Variants in WDR25 observed in about 807,000 individuals in gnomAD.
WDR25 encodes WD repeat domain 25, also known as WD repeat-containing protein 25.
WDR25 carries 35 observed loss-of-function variants against 47.7 expected under a neutral mutation model. The ratio of observed to expected loss-of-function variants is 0.73; its 90% CI spans 0.56 to 0.97. The LOEUF (loss-of-function observed/expected upper bound fraction) is 0.97, where lower values mean the gene tolerates loss of function less well. Among genes scored for constraint, WDR25 ranks in the 50% least tolerant of loss-of-function variants. The pLI is 0.00. For synonymous variants in WDR25, 248 were observed against 278.9 expected (o/e 0.89, Z 1.10); for missense variants, 634 against 704.7 (o/e 0.90, Z 1.14).
chr14:100,387,363 T>C (rs116421065), intron 2 of WDR25, among the ~76,000 whole-genome samples: 131 of 152,294 alleles, frequency 8.6e-4, no homozygotes, highest in African/African-American at 3.0e-3. Flanking sequence ...CTCAGTGTTC[T>C]TGAGATAAAT....
intron 2 of WDR25, among the ~76,000 whole-genome samples, chr14:100,447,929 C>T (rs1042266360): frequency 2.6e-5 from 4 of 152,024 alleles, no homozygotes; most frequent in Admixed American, 6.5e-5. Context: ...CGTGGTGGCT[C>T]ACGCCTGTAA....
At chr14:100,519,742 A>AGT (rs1901637909) in intron 4 of WDR25, among the ~76,000 whole-genome samples, 1 of 128,882 alleles carries the variant, frequency 7.8e-6, no homozygotes. Flanking sequence ...GTGTATATAT[A>AGT]GTATATATAT....
chr14:100,451,920 T>C (rs1166558174), intron 2 of WDR25, among the ~76,000 whole-genome samples: 3 of 152,066 alleles, frequency 2.0e-5, no homozygotes, highest in Non-Finnish European at 4.4e-5. Flanking sequence ...AGAAGGGAGG[T>C]CCGCTTTCCA....
chr14:100,522,294 G>A (rs2029898202), intron 4 of WDR25, among the ~76,000 whole-genome samples: 1 of 151,856 alleles, frequency 6.6e-6, no homozygotes, highest in South Asian at 2.1e-4. Context: ...TATTGCTTCT[G>A]GGTTTGGAGT....
chr14:100,519,198 T>A (rs1199781389), intron 4 of WDR25, among the ~76,000 whole-genome samples: 1 of 151,966 alleles, frequency 6.6e-6, no homozygotes, highest in African/African-American at 2.4e-5. Context: ...CTTTTCAGAG[T>A]CTTCAGGTAG....
chr14:100,434,184 C>T (rs1302122599), intron 2 of WDR25, among the ~76,000 whole-genome samples: 2 of 152,174 alleles, frequency 1.3e-5, no homozygotes, highest in East Asian at 1.9e-4. Context: ...CAGATCTTGG[C>T]GATAGATGTC....
chr14:100,502,197 C>T lies in WDR25; in HGVS notation c.1101+18073C>T, dbSNP rs1900947412. Among the ~76,000 whole-genome samples the T allele has an allele frequency of 6.6e-6, 1 of 152,244 alleles. No homozygotes were observed. Among genetic ancestry groups the T allele is most frequent in the African/African-American group, 2.4e-5 (1 of 41,468 alleles). ...TGGGAGGTGCAGGCAGAGCCCCCCACTGTGGTGGCCCTTGCCCTCCCACTC... is the reference window on the plus strand; with the variant it reads ...TGGGAGGTGCAGGCAGAGCCCCCCATTGTGGTGGCCCTTGCCCTCCCACTC... On this transcript the variant is annotated intron_variant, in intron 4 of 6. Coordinates refer to ENST00000402312, the MANE Select transcript of WDR25 (RefSeq NM_001161476.3). This position sits in a 1 kb window ranked among gnomAD's most constrained non-coding sequence, Gnocchi z 4.5.
Position 100,509,250 on chromosome 14 carries a change from G to A in WDR25, c.1102-16620G>A, listed in dbSNP as rs564218100. Among the ~76,000 whole-genome samples, 12 of 152,300 alleles carry A rather than the reference G, an allele frequency of 7.9e-5. No homozygotes were observed. The East Asian group carries it at 1.9e-3, about 24-fold the overall frequency. ...TTGAATCACAAAAAAAATTAACTATGTGTAACGTGGGCCATTCAGGTGTCC... is the reference window on the plus strand; with the variant it reads ...TTGAATCACAAAAAAAATTAACTATATGTAACGTGGGCCATTCAGGTGTCC... On this transcript the variant is annotated intron_variant, in intron 4 of 6. Coordinates refer to ENST00000402312, the MANE Select transcript of WDR25 (RefSeq NM_001161476.3).
chr14:100,513,531 G>C (rs1595162954), intron 4 of WDR25, among the ~76,000 whole-genome samples: 1 of 152,148 alleles, frequency 6.6e-6, no homozygotes. Context: ...CTAAGACAAG[G>C]CTTGCAATTT....
intron 4 of WDR25, among the ~76,000 whole-genome samples, chr14:100,489,809 C>A (rs1296599281): frequency 6.6e-6 from 1 of 152,300 alleles, no homozygotes; most frequent in East Asian, 1.9e-4. Context: ...GATCTGCCAA[C>A]TTTACTCCTC....
chr14:100,483,713 C>G (rs1465799799), intron 3 of WDR25, among the ~76,000 whole-genome samples: 1 of 152,130 alleles, frequency 6.6e-6, no homozygotes, highest in East Asian at 1.9e-4. Context: ...GTCATGCTTA[C>G]AGCAAATGTG....
At chr14:100,511,586 C>CCCTT (rs1187631357) in intron 4 of WDR25, among the ~76,000 whole-genome samples, 1 of 151,864 alleles carries the variant, frequency 6.6e-6, no homozygotes, top group Non-Finnish European at 1.5e-5. Flanking sequence ...TTTTCTCCTT[C>CCCTT]CCTTCCTTCC....
intron 3 of WDR25, among the ~76,000 whole-genome samples, chr14:100,470,444 A>G (rs1899791189): frequency 6.6e-6 from 1 of 152,218 alleles, no homozygotes; most frequent in African/African-American, 2.4e-5. Flanking sequence ...GCCCTTAAGC[A>G]TTATTCTCTC....
Position 100,381,451 on chromosome 14 carries a change from A to C in WDR25, c.527A>C (p.Tyr176Ser). ...KKKCEDCVVP[Y>S]TPRRLRQRQA... ...AAATGTGAGGACTGTGTGGTACCCT[A>C]TACTCCCAGAAGACTAAGACAGCGG... Residue 176 changes from tyrosine (Y) to serine (S), a missense_variant, in exon 2 of 7, where the codon TAT (tyrosine) becomes TCT (serine). Coordinates refer to ENST00000402312, the MANE Select transcript of WDR25 (RefSeq NM_001161476.3). The C allele has an allele frequency of 6.2e-7, 1 of 1,614,202 alleles. No individual in the cohort carries two copies. The highest frequency in any genetic ancestry group is 8.5e-7 in the Non-Finnish European group (1 of 1,180,042).
rs558697080 is a variant in WDR25 at position 100,400,320 on chromosome 14, C to G, written c.822+18574C>G. 7.3e-4 allele frequency among the ~76,000 whole-genome samples: 111 copies of G among 152,316 alleles called. 1 individual carries two copies. The Middle Eastern group carries it at 0.01, about 14-fold the overall frequency. The stretch of plus-strand genomic sequence containing the variant: ...GCACATTAACTGGGCTTTGTGGTCC[C>G]CTCGGAGGGCTGTTGGCGCCTGGTC... On this transcript the variant is annotated intron_variant, in intron 2 of 6. Transcript: ENST00000402312.
intron 2 of WDR25, among the ~76,000 whole-genome samples, chr14:100,412,844 G>A (rs1204820692): frequency 6.6e-6 from 1 of 152,150 alleles, no homozygotes; most frequent in African/African-American, 2.4e-5. Flanking sequence ...TGTTGTTGTC[G>A]TTTTTGAGAC....
intron 4 of WDR25, among the ~76,000 whole-genome samples, chr14:100,519,934 C>T (rs1267279262): frequency 1.5e-5 from 2 of 137,062 alleles, no homozygotes; most frequent in Non-Finnish European, 3.1e-5. Flanking sequence ...ACTATATATA[C>T]ACTATAGTAT....
At chr14:100,435,463 C>CA (rs1325496243) in intron 2 of WDR25, among the ~76,000 whole-genome samples, 1 of 152,080 alleles carries the variant, frequency 6.6e-6, no homozygotes, top group African/African-American at 2.4e-5. Context: ...TTTATGTACT[C>CA]AAAGTTGTGT....
intron 4 of WDR25, among the ~76,000 whole-genome samples, chr14:100,517,111 T>G (rs945670944): frequency 2.8e-5 from 4 of 141,670 alleles, no homozygotes; most frequent in African/African-American, 5.3e-5. Context: ...CCTCTGTTTT[T>G]TTTTTTTTTT....
Sources: gnomAD v4.1 joint callset for allele counts (sites outside exome capture counted in the v4.1 genomes callset) on GRCh38, gnomAD v4.1.1 for gene constraint, Gnocchi (gnomAD v3.1) non-coding constraint, MANE v1.5 for transcripts, NCBI Gene and HGNC (gene_info 2026-07-23, HGNC 2026-07-21) for gene names.